The following SRFBP1 variants were observed in gnomAD, a reference collection of about 807,000 sequenced individuals.
SRFBP1 encodes serum response factor binding protein 1, also known as serum response factor-binding protein 1.
A neutral mutation model predicts 45.5 loss-of-function variants in SRFBP1; 47 were observed. The ratio of observed to expected loss-of-function variants is 1.03; its 90% CI spans 0.82 to 1.32. The LOEUF (loss-of-function observed/expected upper bound fraction) is 1.32, where lower values mean the gene tolerates loss of function less well. SRFBP1 is among the 40% of genes most tolerant of loss of function. The probability of loss-of-function intolerance (pLI) is 0.00; values close to 1 mark genes in which losing one functional copy is unlikely to be tolerated. For missense variants in SRFBP1, 621 were observed against 484.6 expected (o/e 1.28, Z -2.64); for synonymous variants, 203 against 166.3 (o/e 1.22, Z -1.70).
chr5:121,967,463 T>C (rs1204445914), intron 1 of SRFBP1, among the ~76,000 whole-genome samples: 2 of 152,174 alleles, frequency 1.3e-5, no homozygotes, highest in African/African-American at 4.8e-5. Context: ...TTTAAAAAAT[T>C]GTTGCTCATC....
chr5:122,011,679 G>T (rs1214384711), intron 4 of SRFBP1, among the ~76,000 whole-genome samples: 1 of 152,134 alleles, frequency 6.6e-6, no homozygotes, highest in Non-Finnish European at 1.5e-5. Context: ...AAGTTGATCT[G>T]TGTGTCCTCA....
chr5:122,009,918 C>T (rs1753055440), intron 4 of SRFBP1, among the ~76,000 whole-genome samples: 1 of 152,086 alleles, frequency 6.6e-6, no homozygotes. Context: ...TGGAACATCC[C>T]ATCCTGATCT....
intron 4 of SRFBP1, among the ~76,000 whole-genome samples, chr5:122,007,249 C>T (rs188875801): frequency 8.5e-4 from 130 of 152,110 alleles, no homozygotes; most frequent in African/African-American, 3.1e-3. Context: ...GAGACACAGT[C>T]TACACGGGTG....
chr5:122,077,990 C>A, downstream of SRFBP1: 9 of 1,446,310 alleles, frequency 6.2e-6, no homozygotes, highest in Non-Finnish European at 8.2e-6. This position sits in a 1 kb window ranked among gnomAD's most constrained non-coding sequence, Gnocchi z 4.9. Context: ...GCGCATCACT[C>A]CTTTTGCCAG....
At chr5:122,070,693 GA>G in intron 2 of SRFBP1, 3 of 606,116 alleles carry the variant, frequency 4.9e-6, no homozygotes, top group Non-Finnish European at 8.8e-6. Flanking sequence ...GTACTTACAA[GA>G]GTCTGACATA....
chr5:121,968,239 T>TATC (rs1752115053), intron 1 of SRFBP1, among the ~76,000 whole-genome samples: 2 of 149,854 alleles, frequency 1.3e-5, no homozygotes, highest in Non-Finnish European at 3.0e-5. Context: ...TTATTATTAT[T>TATC]ATTATTATTA....
At chr5:122,034,321 G>A (rs1443702524) in intron 2 of SRFBP1, among the ~76,000 whole-genome samples, 1 of 152,004 alleles carries the variant, frequency 6.6e-6, no homozygotes, top group Non-Finnish European at 1.5e-5. Flanking sequence ...ATTACATTTA[G>A]TCTGTTTTTC....
intron 2 of SRFBP1, chr5:122,065,117 A>G (rs1211085510): frequency 6.6e-6 from 1 of 152,068 alleles, no homozygotes; most frequent in Non-Finnish European, 1.5e-5. Flanking sequence ...CTCTGTCTGT[A>G]TTGTCTACTG....
downstream of SRFBP1, among the ~76,000 whole-genome samples, chr5:122,033,091 CT>C (rs889315318): frequency 2.0e-5 from 3 of 150,856 alleles, no homozygotes; most frequent in African/African-American, 7.3e-5. Flanking sequence ...TAGTTGAATA[CT>C]TTTTAATGTT....
intron 2 of SRFBP1, among the ~76,000 whole-genome samples, chr5:122,035,477 C>A (rs543007652): frequency 2.0e-5 from 3 of 152,334 alleles, no homozygotes; most frequent in African/African-American, 7.2e-5. Flanking sequence ...TGCTCTGTCA[C>A]AAGTGAGCCA....
At chr5:122,002,612 G>A (rs1475458241) in intron 4 of SRFBP1, among the ~76,000 whole-genome samples, 2 of 152,132 alleles carry the variant, frequency 1.3e-5, no homozygotes, top group Non-Finnish European at 2.9e-5. Context: ...CAGTCCACTG[G>A]CATCATTAGT....
intron 1 of SRFBP1, among the ~76,000 whole-genome samples, chr5:121,973,017 A>G (rs1467440645): frequency 2.0e-5 from 3 of 151,948 alleles, no homozygotes; most frequent in Non-Finnish European, 4.4e-5. Flanking sequence ...AGTGAATGAC[A>G]TGAAGGGTAA....
At chr5:121,972,104 A>C (rs1413576323) in intron 1 of SRFBP1, among the ~76,000 whole-genome samples, 1 of 151,976 alleles carries the variant, frequency 6.6e-6, no homozygotes, top group African/African-American at 2.4e-5. Context: ...TTTAAAAATC[A>C]GTGGGAAACA....
chr5:122,022,352 G>T lies in SRFBP1; in HGVS notation c.1068-18G>T. 1 of 1,599,890 alleles carries T rather than the reference G, an allele frequency of 6.3e-7. No individual in the cohort carries two copies. The highest frequency in any genetic ancestry group is 8.5e-7 in the Non-Finnish European group (1 of 1,170,892). On this transcript the variant is annotated intron_variant, in intron 6 of 7. Transcript: ENST00000339397. ...GATTTATCTTTAAAAAGTCATAATGGTGTTTTTCTTCTTTTAGAAATTTCA... is the reference window on the plus strand; with the variant it reads ...GATTTATCTTTAAAAAGTCATAATGTTGTTTTTCTTCTTTTAGAAATTTCA...
chr5:122,033,023 G>C (rs968236444), downstream of SRFBP1, among the ~76,000 whole-genome samples: 1 of 151,954 alleles, frequency 6.6e-6, no homozygotes, highest in East Asian at 1.9e-4. Context: ...ACAGTAAGAT[G>C]GGTAAGAAAT....
chr5:122,065,621 A>G lies in SRFBP1; in HGVS notation n.312-9694A>G, dbSNP rs1377232384. On this transcript the variant is annotated intron_variant and non_coding_transcript_variant, in intron 2 of 2. Transcript: ENST00000504881. ...TAGACTATATCTCAGACACACACACATGTGTGACTGATTCCTGAATAACCC... is the reference window on the plus strand; with the variant it reads ...TAGACTATATCTCAGACACACACACGTGTGTGACTGATTCCTGAATAACCC... The G allele has an allele frequency of 2.0e-5, 3 of 152,002 alleles. No individual in the cohort carries two copies. In the East Asian group the frequency reaches 5.8e-4, roughly 29 times the overall value. 9.4% of individuals were successfully genotyped at this position (152,002 alleles called of 1,614,324 possible).
chr5:122,006,561 T>A (rs545812501), intron 4 of SRFBP1, among the ~76,000 whole-genome samples: 1 of 152,254 alleles, frequency 6.6e-6, no homozygotes, highest in Admixed American at 6.5e-5. Flanking sequence ...GTTCCATAAA[T>A]CTCATAAATT....
chr5:122,024,431 G>A (rs1189615028), intron 7 of SRFBP1, among the ~76,000 whole-genome samples: 1 of 152,082 alleles, frequency 6.6e-6, no homozygotes, highest in Non-Finnish European at 1.5e-5. Context: ...AAATCTCAGT[G>A]GTTTGTCATC....
chr5:121,977,078 T>C (rs974441469), intron 3 of SRFBP1, among the ~76,000 whole-genome samples: 4 of 152,020 alleles, frequency 2.6e-5, no homozygotes, highest in Admixed American at 6.6e-5. Flanking sequence ...GTTTTCTGTT[T>C]CTTGTTTTGA....
Sources: allele counts gnomAD v4.1 joint callset (sites outside exome capture counted in the v4.1 genomes callset), GRCh38; gene constraint gnomAD v4.1.1; non-coding constraint Gnocchi (gnomAD v3.1); transcripts MANE v1.5; gene names NCBI Gene and HGNC (gene_info 2026-07-23, HGNC 2026-07-21).